CDH17: variants seen among roughly 807,000 people sequenced by gnomAD.
The protein encoded by CDH17 is cadherin-17.
CDH17 carries 67 observed loss-of-function variants against 86.3 expected under a neutral mutation model. The observed-to-expected ratio is 0.78, with a 90% CI of 0.64 to 0.95. The LOEUF is 0.95. Among genes scored for constraint, CDH17 ranks in the 40% least tolerant of loss-of-function variants. CDH17 has a pLI of 0.00. For missense variants in CDH17, 993 were observed against 1,017.6 expected (o/e 0.98, Z 0.33); for synonymous variants, 367 against 366.4 (o/e 1.00, Z -0.02).
At chr8:94,156,147 C>T (rs1226940231) in intron 12 of CDH17, among the ~76,000 whole-genome samples, 2 of 152,210 alleles carry the variant, frequency 1.3e-5, no homozygotes, top group Admixed American at 6.5e-5. Context: ...ACCACGATTC[C>T]TTTTGTGCAC....
chr8:94,131,517 G>A (rs987388912), intron 15 of CDH17, among the ~76,000 whole-genome samples: 1 of 152,016 alleles, frequency 6.6e-6, no homozygotes, highest in African/African-American at 2.4e-5. Context: ...GAAAATAATT[G>A]CAGTTTTGGA....
intron 13 of CDH17, among the ~76,000 whole-genome samples, chr8:94,150,450 G>T (rs1208653733): frequency 6.6e-6 from 1 of 152,194 alleles, no homozygotes; most frequent in Non-Finnish European, 1.5e-5. Context: ...TCCATTGGGT[G>T]CTAACAGATT....
Position 94,168,143 on chromosome 8 carries a change from T to TAC in CDH17, c.1067-2168_1067-2167insGT, listed in dbSNP as rs1368025212. 7.6e-4 allele frequency among the ~76,000 whole-genome samples: 77 copies of TAC among 101,566 alleles called. 7 individuals carry two copies. The highest frequency in any genetic ancestry group is 4.1e-3 in the African/African-American group (70 of 17,094). The allele number at this position is 101,566 out of a possible 152,430, so 66.6% of individuals were successfully genotyped here. On this transcript the variant is annotated intron_variant, in intron 9 of 17. Coordinates refer to ENST00000027335, the MANE Select transcript of CDH17 (RefSeq NM_004063.4). The stretch of plus-strand genomic sequence containing the variant: ...ATATATATATATATATATATATATA[T>TAC]ATATATATATATATTTGTGTGTGTG...
chr8:94,165,529 T>G (rs1042245101), intron 10 of CDH17, among the ~76,000 whole-genome samples: 2 of 152,206 alleles, frequency 1.3e-5, no homozygotes, highest in Admixed American at 1.3e-4. Flanking sequence ...AATCTCCTTT[T>G]GGCATCTGCT....
In CDH17 at chr8:94,189,569, A is replaced by T. The variant is rs571818120; in HGVS notation, c.52-284T>A. ...CATCCCCATATTACAAATGAAGCTTAAAAAGGTTAACACAGCACACATGCT... is the reference window on the plus strand; with the variant it reads ...CATCCCCATATTACAAATGAAGCTTTAAAAGGTTAACACAGCACACATGCT... On this transcript the variant is annotated intron_variant, in intron 2 of 17. Coordinates refer to ENST00000027335, the MANE Select transcript of CDH17 (RefSeq NM_004063.4). Among the ~76,000 whole-genome samples the T allele has an allele frequency of 1.1e-3, 175 of 152,374 alleles. 1 individual carries two copies. The highest frequency in any genetic ancestry group is 3.9e-3 in the African/African-American group (161 of 41,586).
chr8:94,170,876 A>C lies in CDH17; in HGVS notation c.893T>G (p.Leu298Trp). The C allele has an allele frequency of 6.2e-7, 1 of 1,613,816 alleles. No homozygotes were observed. The highest frequency in any genetic ancestry group is 1.1e-5 in the South Asian group (1 of 91,040). The stretch of plus-strand genomic sequence containing the variant: ...CACTGCATCCTTTTCTTCTCGGTCC[A>C]AGGGCTGAGTCACGTAAATATCTCC... The part of the protein sequence containing the change: ...QEGDIYVTQP[L>W]DREEKDAYVF... The change falls in exon 8 of 18, where the codon TTG becomes TGG. Residue 298 changes from leucine (L) to tryptophan (W), a missense_variant. Coordinates refer to ENST00000027335, the MANE Select transcript of CDH17 (RefSeq NM_004063.4).
rs558993410 is a variant in CDH17, at chr8:94,164,708, C to T, written c.1282+1053G>A. Among the ~76,000 whole-genome samples, 220 of 152,230 alleles carry T rather than the reference C, an allele frequency of 1.4e-3. 3 individuals are homozygous for T. The highest frequency in any genetic ancestry group is 4.9e-3 in the African/African-American group (204 of 41,554). The stretch of plus-strand genomic sequence containing the variant: ...TCCATACCTGTGTCATCCGTGCCTG[C>T]CAGCAGAACAATTACTGAATTATAT... On this transcript the variant is annotated intron_variant, in intron 10 of 17. Transcript: ENST00000027335.
At chr8:94,179,827 C>G (rs1813443970) in intron 3 of CDH17, among the ~76,000 whole-genome samples, 1 of 152,162 alleles carries the variant, frequency 6.6e-6, no homozygotes, top group Non-Finnish European at 1.5e-5. Context: ...AGCAAACAAA[C>G]AGCATCAACA....
rs534330141 is a variant in CDH17 at position 94,155,368 on chromosome 8, A to T, written c.1552-3256T>A. On this transcript the variant is annotated intron_variant, in intron 12 of 17. Coordinates refer to ENST00000027335, the MANE Select transcript of CDH17 (RefSeq NM_004063.4). ...ATAAAAGCCTAGTAGACCAAGCAGG[A>T]AGGCAGCAGCCCCCAGAATGAGCCT... 2.0e-5 allele frequency among the ~76,000 whole-genome samples: 3 copies of T among 152,056 alleles called. No individual in the cohort carries two copies. The South Asian group carries it at 6.2e-4, about 32-fold the overall frequency.
At chr8:94,173,211 C>G (rs1263670503) in intron 7 of CDH17, among the ~76,000 whole-genome samples, 1 of 152,098 alleles carries the variant, frequency 6.6e-6, no homozygotes, top group African/African-American at 2.4e-5. Flanking sequence ...ATGTTTGTCC[C>G]CTCCAAATCT....
At chr8:94,132,875 T>C (rs1400020529) in intron 15 of CDH17, among the ~76,000 whole-genome samples, 1 of 152,226 alleles carries the variant, frequency 6.6e-6, no homozygotes, top group Non-Finnish European at 1.5e-5. Flanking sequence ...AGTTTCAGCT[T>C]TCTACATATG....
intron 13 of CDH17, 40 bp from the exon 14 acceptor site, chr8:94,148,914 T>C (rs756394078): frequency 1.3e-6 from 2 of 1,570,254 alleles, no homozygotes; most frequent in Non-Finnish European, 1.7e-6. Context: ...CCTGCATTAC[T>C]TTGCATGAAA....
At chr8:94,172,083 C>T (rs1440761691) in intron 7 of CDH17, among the ~76,000 whole-genome samples, 1 of 148,674 alleles carries the variant, frequency 6.7e-6, no homozygotes, top group Non-Finnish European at 1.5e-5. Flanking sequence ...TTTCAGAACA[C>T]CCAGAGCATT....
chr8:94,136,651 C>G (rs1209902751), intron 15 of CDH17, among the ~76,000 whole-genome samples: 27 of 152,218 alleles, frequency 1.8e-4, no homozygotes. Context: ...GTCAACTCGT[C>G]AAAGTCATTC....
Position 94,179,069 on chromosome 8 carries a change from G to T in CDH17, c.151-1348C>A, listed in dbSNP as rs560709509. On this transcript the variant is annotated intron_variant, in intron 3 of 17. Transcript: ENST00000027335. ...ATTAAAAAAAAAAAAAAAAACTAAG[G>T]TTTGTGGTGTTTTAATGCACCCTAA... Among the ~76,000 whole-genome samples, 9 of 145,932 alleles carry T rather than the reference G, an allele frequency of 6.2e-5. No homozygotes were observed. In the South Asian group the frequency reaches 1.1e-3, roughly 18 times the overall value.
chr8:94,189,319 T>C, intron 2 of CDH17, 34 bp from the exon 3 acceptor site: 3 of 1,465,256 alleles, frequency 2.0e-6, no homozygotes, highest in Non-Finnish European at 2.8e-6. Context: ...TAGCATCTTG[T>C]ATGAAGTGTC....
At chr8:94,147,404 C>G (rs1201634472) in intron 14 of CDH17, among the ~76,000 whole-genome samples, 1 of 152,194 alleles carries the variant, frequency 6.6e-6, no homozygotes, top group African/African-American at 2.4e-5. Context: ...CTTAATCTTT[C>G]CACATGCAGG....
In CDH17 at chr8:94,130,194, T is replaced by C. The variant is rs371959309; in HGVS notation, c.2398+432A>G. 3.3e-5 allele frequency among the ~76,000 whole-genome samples: 5 copies of C among 152,314 alleles called. No homozygotes were observed. In the South Asian group the frequency reaches 6.2e-4, roughly 19 times the overall value. ...AGTTCTGCACTACACATTTCAGATATCTCAGCATCGCCACTGGAAGGCTAA... is the reference window on the plus strand; with the variant it reads ...AGTTCTGCACTACACATTTCAGATACCTCAGCATCGCCACTGGAAGGCTAA... On this transcript the variant is annotated intron_variant, in intron 17 of 17. Transcript: ENST00000027335.
intron 15 of CDH17, among the ~76,000 whole-genome samples, chr8:94,135,924 G>C (rs1440474545): frequency 6.6e-6 from 1 of 152,136 alleles, no homozygotes; most frequent in Non-Finnish European, 1.5e-5. Context: ...GCTTAGTTTG[G>C]CTGGATATGA....
Sources: allele counts gnomAD v4.1 joint callset (sites outside exome capture counted in the v4.1 genomes callset), GRCh38; gene constraint gnomAD v4.1.1; transcripts MANE v1.5; gene names NCBI Gene and HGNC (gene_info 2026-07-23, HGNC 2026-07-21).